The following SYNPR variants were observed in gnomAD, a reference collection of about 807,000 sequenced individuals.
SYNPR encodes synaptoporin.
In SYNPR, 23 loss-of-function variants were observed where a neutral mutation model predicts 32.9. The ratio of observed to expected loss-of-function variants is 0.70; its 90% confidence interval spans 0.50 to 0.99. The LOEUF is 0.99. Ranked by LOEUF, SYNPR falls within the 50% of genes least tolerant of loss-of-function variation. SYNPR has a pLI of 0.00. For synonymous variants in SYNPR, 146 were observed against 135.9 expected (o/e 1.07, Z -0.52); for missense variants, 318 against 349.3 (o/e 0.91, Z 0.71).
intron 2 of SYNPR, among the ~76,000 whole-genome samples, chr3:63,390,369 G>C (rs2088115665): frequency 6.6e-6 from 1 of 152,214 alleles, no homozygotes; most frequent in African/African-American, 2.4e-5. Context: ...TGAAATTCAA[G>C]TGTGATGCCT....
intron 3 of SYNPR, among the ~76,000 whole-genome samples, chr3:63,514,211 T>C (rs906287645): frequency 1.3e-5 from 2 of 152,194 alleles, no homozygotes; most frequent in Non-Finnish European, 2.9e-5. Context: ...CATGTGCAAG[T>C]CACCATTGGG....
At chr3:63,400,836 C>A (rs1322765787) in intron 2 of SYNPR, among the ~76,000 whole-genome samples, 1 of 152,120 alleles carries the variant, frequency 6.6e-6, no homozygotes, top group East Asian at 1.9e-4. Context: ...AACAAGGATT[C>A]TGTAGGAAGG....
intron 2 of SYNPR, among the ~76,000 whole-genome samples, chr3:63,363,570 A>G (rs1225404835): frequency 1.3e-5 from 2 of 152,188 alleles, no homozygotes; most frequent in African/African-American, 4.8e-5. Context: ...TTGCTCTGAC[A>G]TTGACTCTGT....
chr3:63,602,020 T>C (rs1282213629), intron 4 of SYNPR, among the ~76,000 whole-genome samples: 1 of 152,184 alleles, frequency 6.6e-6, no homozygotes, highest in Non-Finnish European at 1.5e-5. Flanking sequence ...TTGTTTTTAC[T>C]TTTTAATAAT....
At chr3:63,436,256 T>C (rs773383591) in intron 2 of SYNPR, among the ~76,000 whole-genome samples, 1 of 151,928 alleles carries the variant, frequency 6.6e-6, no homozygotes, top group Non-Finnish European at 1.5e-5. Flanking sequence ...TATGTATGCA[T>C]GTGCCAGGTT....
At chr3:63,301,295 A>T (rs748846297) in intron 2 of SYNPR, among the ~76,000 whole-genome samples, 3 of 152,150 alleles carry the variant, frequency 2.0e-5, no homozygotes, top group Non-Finnish European at 4.4e-5. Flanking sequence ...AGTACCTAAT[A>T]TAGGGTGGGC....
intron 2 of SYNPR, among the ~76,000 whole-genome samples, chr3:63,415,383 C>T (rs777743194): frequency 2.8e-4 from 43 of 151,076 alleles, no homozygotes; most frequent in Non-Finnish European, 5.0e-4. Context: ...AAAATTTGGC[C>T]CAAAAAGCCA....
At chr3:63,223,791 T>C (rs560189558), upstream of SYNPR, among the ~76,000 whole-genome samples, 21 of 152,312 alleles carry the variant, frequency 1.4e-4, 1 homozygote, top group Middle Eastern at 0.01. Flanking sequence ...TTTAACTTTT[T>C]CTACTTTCTA....
intron 2 of SYNPR, among the ~76,000 whole-genome samples, chr3:63,408,283 GGAAGGAAGGAAGGA>G (rs1560221150): frequency 1.3e-4 from 6 of 44,632 alleles, no homozygotes; most frequent in African/African-American, 8.7e-4. Context: ...GAAAGAGGAA[GGAAGGAAGGAAGGA>G]AGGAAGGAAG....
intron 4 of SYNPR, among the ~76,000 whole-genome samples, chr3:63,572,485 G>A (rs576305564): frequency 7.3e-4 from 111 of 152,126 alleles, no homozygotes; most frequent in Admixed American, 1.4e-3. Flanking sequence ...CTCTATCCTC[G>A]CTTGCCCTCT....
the SYNPR span, among the ~76,000 whole-genome samples, chr3:63,210,198 A>G: frequency 7.2e-5 from 11 of 152,202 alleles, no homozygotes; most frequent in Non-Finnish European, 1.5e-4. Flanking sequence ...TTACTTATAT[A>G]TCTTGGCCAG....
At position 63,279,146 on chromosome 3, in the gene SYNPR, G is replaced by C. The variant is rs187792067; in HGVS notation, c.84+404G>C. Among the ~76,000 whole-genome samples, 677 of 152,272 alleles carry C rather than the reference G, an allele frequency of 4.4e-3. 3 individuals are homozygous for C. Among genetic ancestry groups the C allele is most frequent in the Admixed American group, 8.6e-3 (132 of 15,306 alleles). ...TGGAGGGACCCATAGTTGAGCGGAG[G>C]AGCCGGGAAGACTTGGCCAAGCTCA... On this transcript the variant is annotated intron_variant, in intron 2 of 5. Coordinates refer to ENST00000478300, the MANE Select transcript of SYNPR (RefSeq NM_001130003.2).
intron 2 of SYNPR, among the ~76,000 whole-genome samples, chr3:63,363,237 T>C (rs922686485): frequency 1.3e-5 from 2 of 152,240 alleles, no homozygotes; most frequent in African/African-American, 4.8e-5. Context: ...CTTAATGTTA[T>C]CAGCCTTTTA....
intron 2 of SYNPR, among the ~76,000 whole-genome samples, chr3:63,338,371 T>C (rs1019901433): frequency 2.0e-5 from 3 of 152,140 alleles, no homozygotes; most frequent in Admixed American, 2.0e-4. Flanking sequence ...AAAATAGCAA[T>C]GGAAGTCCTG....
intron 2 of SYNPR, among the ~76,000 whole-genome samples, chr3:63,340,416 T>C (rs909515712): frequency 8.8e-6 from 1 of 113,650 alleles, no homozygotes; most frequent in East Asian, 2.4e-4. Context: ...TTAAAAAAAA[T>C]GTATTTTTTT....
chr3:63,251,376 T>C (rs2086329793), intron 1 of SYNPR, among the ~76,000 whole-genome samples: 1 of 152,052 alleles, frequency 6.6e-6, no homozygotes, highest in African/African-American at 2.4e-5. Context: ...AAAGCATATA[T>C]GTGCCCCAGA....
intron 2 of SYNPR, chr3:63,443,151 A>T: frequency 8.6e-7 from 1 of 1,166,058 alleles, no homozygotes; most frequent in South Asian, 2.6e-5. Context: ...CCACCTCCCC[A>T]CCAAGCAGGC....
At chr3:63,262,200 G>T (rs2086444891) in intron 2 of SYNPR, among the ~76,000 whole-genome samples, 1 of 152,188 alleles carries the variant, frequency 6.6e-6, no homozygotes, top group African/African-American at 2.4e-5. Flanking sequence ...CGCTGAATTG[G>T]GGTATGCAAT....
intron 3 of SYNPR, among the ~76,000 whole-genome samples, chr3:63,554,236 C>T (rs1702557205): frequency 6.6e-6 from 1 of 152,188 alleles, no homozygotes; most frequent in Non-Finnish European, 1.5e-5. Context: ...GTCCCACTTA[C>T]CAATTTTTGT....
Sources: gnomAD v4.1 joint callset for allele counts (sites outside exome capture counted in the v4.1 genomes callset) on GRCh38, gnomAD v4.1.1 for gene constraint, MANE v1.5 for transcripts, NCBI Gene and HGNC (gene_info 2026-07-23, HGNC 2026-07-21) for gene names.